The following MTUS2 variants were observed in gnomAD, a reference collection of about 807,000 sequenced individuals.
The protein encoded by MTUS2 is microtubule associated scaffold protein 2, also known as microtubule-associated tumor suppressor candidate 2.
MTUS2 carries 40 observed loss-of-function variants against 114.1 expected under a neutral mutation model. The ratio of observed to expected loss-of-function variants is 0.35; its 90% confidence interval spans 0.27 to 0.46. The LOEUF (loss-of-function observed/expected upper bound fraction) is 0.46, where lower values mean the gene tolerates loss of function less well. Ranked by LOEUF, MTUS2 falls within the 20% of genes least tolerant of loss-of-function variation. The pLI is 1.00. For missense variants in MTUS2, 1,679 were observed against 1,705.4 expected (o/e 0.98, Z 0.27); for synonymous variants, 688 against 672.0 (o/e 1.02, Z -0.37).
intron 2 of MTUS2, among the ~76,000 whole-genome samples, chr13:28,861,671 A>G (rs1349687753): frequency 1.3e-5 from 2 of 152,150 alleles, no homozygotes; most frequent in Non-Finnish European, 2.9e-5. Flanking sequence ...TACCGAGCCT[A>G]CAACAGTGCC....
At chr13:28,947,955 C>T (rs1882618638) in intron 2 of MTUS2, among the ~76,000 whole-genome samples, 1 of 152,136 alleles carries the variant, frequency 6.6e-6, no homozygotes, top group Non-Finnish European at 1.5e-5. Flanking sequence ...TTGCTTGAGA[C>T]TGTAATTGGT....
At chr13:29,473,559 C>G (rs1392866309) in intron 9 of MTUS2, among the ~76,000 whole-genome samples, 2 of 152,120 alleles carry the variant, frequency 1.3e-5, no homozygotes, top group East Asian at 3.8e-4. Context: ...AGATTGATAT[C>G]TTTATATATT....
chr13:29,198,676 T>C (rs1232450313), intron 5 of MTUS2, among the ~76,000 whole-genome samples: 1 of 152,202 alleles, frequency 6.6e-6, no homozygotes, highest in African/African-American at 2.4e-5. Flanking sequence ...GCCATTTTCA[T>C]GAAATTGATT....
intron 6 of MTUS2, among the ~76,000 whole-genome samples, chr13:29,301,738 C>A (rs1190016417): frequency 6.6e-6 from 1 of 152,208 alleles, no homozygotes; most frequent in Non-Finnish European, 1.5e-5. Flanking sequence ...TGCGTATAAT[C>A]CATAGGTTTT....
chr13:29,142,019 C>G (rs1892243384), intron 5 of MTUS2, among the ~76,000 whole-genome samples: 1 of 151,884 alleles, frequency 6.6e-6, no homozygotes, highest in Non-Finnish European at 1.5e-5. Context: ...ACCACCACAC[C>G]CAGCTAATTT....
At position 29,389,335 on chromosome 13, in the gene MTUS2, ATGTATGCACGTG is replaced by A. The variant is rs1419709921; in HGVS notation, c.3117+29866_3117+29877del. ...TATGTATACACATATGTGTGTATATATGTATGCACGTGTGTGTATATATGTATGCACGTGTGT... is the reference window on the plus strand; with the variant it reads ...TATGTATACACATATGTGTGTATATATGTGTATATATGTATGCACGTGTGT... On this transcript the variant is annotated intron_variant, in intron 8 of 15. Transcript: ENST00000612955. 3.7e-4 allele frequency among the ~76,000 whole-genome samples: 19 copies of A among 50,892 alleles called. 2 individuals carry two copies. The South Asian group carries it at 0.013, about 34-fold the overall frequency. The allele number at this position is 50,892 out of a possible 152,430, so 33.4% of individuals were successfully genotyped here.
intron 5 of MTUS2, among the ~76,000 whole-genome samples, chr13:29,238,946 G>A (rs1212723665): frequency 6.6e-6 from 1 of 152,154 alleles, no homozygotes; most frequent in African/African-American, 2.4e-5. Context: ...ATTGTCAGGG[G>A]ATGGAGGGTG....
intron 7 of MTUS2, among the ~76,000 whole-genome samples, chr13:29,348,324 A>G (rs1395442654): frequency 6.6e-6 from 1 of 152,064 alleles, no homozygotes; most frequent in Non-Finnish European, 1.5e-5. Context: ...TGTTAGAACA[A>G]AAGATTCTTC....
chr13:28,979,657 CAGT>C (rs1453656064), intron 2 of MTUS2, among the ~76,000 whole-genome samples: 5 of 152,144 alleles, frequency 3.3e-5, no homozygotes, highest in African/African-American at 1.2e-4. Flanking sequence ...ATCTTGGAGT[CAGT>C]TCCATGAGGT....
intron 8 of MTUS2, among the ~76,000 whole-genome samples, chr13:29,412,902 T>C (rs1158675855): frequency 1.3e-5 from 2 of 152,138 alleles, no homozygotes; most frequent in Admixed American, 6.5e-5. Context: ...CAAAATCCAC[T>C]TTCTCGTCTT....
At position 29,350,886 on chromosome 13, in the gene MTUS2, T is replaced by C. The variant is rs923929285; in HGVS notation, c.2906-8376T>C. ...AATCCCATTCATGAGGGCCCCACTC[T>C]TGGGACCTAATCACTTCCCAAAGGC... On this transcript the variant is annotated intron_variant, in intron 7 of 15. Transcript: ENST00000612955. 3.9e-4 allele frequency among the ~76,000 whole-genome samples: 59 copies of C among 151,204 alleles called. 1 individual carries two copies. Among genetic ancestry groups the C allele is most frequent in the African/African-American group, 1.4e-3 (56 of 41,262 alleles).
rs995884364 is a variant in MTUS2, at chr13:28,980,557, C to T, written c.-242-43900C>T. On this transcript the variant is annotated intron_variant, in intron 2 of 15. Transcript: ENST00000612955. ...CCTCACTTAAGGGTACATCCTAGAG[C>T]GGTTTCCATTATCAGAAAACAGGGA... is the stretch of plus-strand genomic sequence containing the variant. 1.1e-4 allele frequency among the ~76,000 whole-genome samples: 17 copies of T among 152,298 alleles called. No homozygotes were observed. In the East Asian group the frequency reaches 1.9e-3, roughly 17 times the overall value.
In MTUS2 at chr13:29,118,021, C is replaced by T. The variant is rs1336083755; in HGVS notation, c.2644+17051C>T. Among the ~76,000 whole-genome samples, 5 of 152,214 alleles carry T rather than the reference C, an allele frequency of 3.3e-5. No homozygotes were observed. In the East Asian group the frequency reaches 9.7e-4, roughly 29 times the overall value. Reference sequence around the variant, plus strand: ...CAGGTGCTATTAGTTTTGTGTGCACCAGTGGCTTTGAAGGTGCATGAAAAA... The same window carrying T: ...CAGGTGCTATTAGTTTTGTGTGCACTAGTGGCTTTGAAGGTGCATGAAAAA... On this transcript the variant is annotated intron_variant, in intron 5 of 15. Transcript: ENST00000612955.
chr13:29,448,196 C>T lies in MTUS2; in HGVS notation c.3184+8147C>T, dbSNP rs1288031720. The stretch of plus-strand genomic sequence containing the variant: ...TAAACAAACTCCACCAGACAGAAAA[C>T]ATGCAATGCAGCGGTGATACAATGG... On this transcript the variant is annotated intron_variant, in intron 9 of 15. Coordinates refer to ENST00000612955, the MANE Select transcript of MTUS2 (RefSeq NM_001033602.4). 2.6e-5 allele frequency among the ~76,000 whole-genome samples: 4 copies of T among 152,264 alleles called. No individual in the cohort carries two copies. The East Asian group carries it at 7.7e-4, about 29-fold the overall frequency.
rs942477113 is a variant in MTUS2, at chr13:29,216,542, A to G, written c.2645-65162A>G. On this transcript the variant is annotated intron_variant, in intron 5 of 15. Transcript: ENST00000612955. ...GGAATCTCCTGGTCTGTGGGTTGAA[A>G]AAACTGTGGGAAAAGGATAGTATCT... is the stretch of plus-strand genomic sequence containing the variant. Among the ~76,000 whole-genome samples, 3 of 152,286 alleles carry G rather than the reference A, an allele frequency of 2.0e-5. No individual in the cohort carries two copies. In the South Asian group the frequency reaches 6.2e-4, roughly 32 times the overall value.
chr13:28,823,200 A>G (rs551443873), intron 1 of MTUS2, among the ~76,000 whole-genome samples: 1 of 152,382 alleles, frequency 6.6e-6, no homozygotes, highest in Admixed American at 6.5e-5. Flanking sequence ...CTGTAAGCTC[A>G]GGATTGGTCT....
chr13:29,306,890 T>C (rs1899493236), intron 6 of MTUS2: 4 of 511,392 alleles, frequency 7.8e-6, no homozygotes, highest in Non-Finnish European at 1.5e-5. Flanking sequence ...GACCCCTTCA[T>C]TGACCTCAAC....
intron 11 of MTUS2, among the ~76,000 whole-genome samples, chr13:29,491,440 TGTA>T (rs1882072805): frequency 6.8e-6 from 1 of 146,790 alleles, no homozygotes; most frequent in Non-Finnish European, 1.5e-5. Flanking sequence ...GTGGTGTGTG[TGTA>T]GTGGGTGTGT....
intron 2 of MTUS2, among the ~76,000 whole-genome samples, chr13:28,925,918 A>G (rs1881304209): frequency 6.6e-6 from 1 of 152,244 alleles, no homozygotes; most frequent in African/African-American, 2.4e-5. Flanking sequence ...TACACACTTA[A>G]AAATAAAACA....
Sources: gnomAD v4.1 joint callset for allele counts (sites outside exome capture counted in the v4.1 genomes callset) on GRCh38, gnomAD v4.1.1 for gene constraint, MANE v1.5 for transcripts, NCBI Gene and HGNC (gene_info 2026-07-23, HGNC 2026-07-21) for gene names.